TRIP4: variants seen among roughly 807,000 people sequenced by gnomAD.
TRIP4 encodes the protein thyroid hormone receptor interactor 4.
In TRIP4, 54 loss-of-function variants were observed where a neutral mutation model predicts 81.8. That is an observed-to-expected ratio of 0.66 (90% CI 0.53 to 0.83). The LOEUF is 0.83. Ranked by LOEUF, TRIP4 falls within the 40% of genes least tolerant of loss-of-function variation. TRIP4 has a pLI of 0.00. For synonymous variants in TRIP4, 270 were observed against 242.8 expected (o/e 1.11, Z -1.04); for missense variants, 662 against 683.6 (o/e 0.97, Z 0.35).
At chr15:64,435,076 C>T (rs1892360085) in intron 11 of TRIP4, among the ~76,000 whole-genome samples, 1 of 151,628 alleles carries the variant, frequency 6.6e-6, no homozygotes, top group Non-Finnish European at 1.5e-5. Context: ...ATTAGCTGGG[C>T]ATGGTGGCAT....
At chr15:64,431,847 A>ATATATATATATATATATATATATTTTTTT in intron 11 of TRIP4, among the ~76,000 whole-genome samples, 22 of 119,528 alleles carry the variant, frequency 1.8e-4, no homozygotes, top group African/African-American at 6.8e-4. Flanking sequence ...ATATATATAT[A>ATATATATATATATATATATATATTTTTTT]TTTTTTTTAT....
chr15:64,400,718 A>G, intron 4 of TRIP4, 25 bp from the exon 5 acceptor site: 2 of 1,584,412 alleles, frequency 1.3e-6, no homozygotes, highest in South Asian at 2.2e-5. Context: ...GTTGGATCAC[A>G]TGTCTTACTC....
At chr15:64,418,511 A>T in intron 8 of TRIP4, 30 bp from the exon 9 acceptor site, 1 of 1,583,418 alleles carries the variant, frequency 6.3e-7, no homozygotes, top group Non-Finnish European at 8.6e-7. Context: ...GCCTTATAAG[A>T]TAGAACTGTA....
chr15:64,403,958 G>A (rs1290656261), intron 5 of TRIP4, among the ~76,000 whole-genome samples: 10 of 152,112 alleles, frequency 6.6e-5, no homozygotes, highest in Admixed American at 3.9e-4. Flanking sequence ...TTGAGAGGCC[G>A]AGACGGGCGG....
chr15:64,405,262 G>C (rs972351786), intron 5 of TRIP4, among the ~76,000 whole-genome samples: 1 of 149,080 alleles, frequency 6.7e-6, no homozygotes, highest in Non-Finnish European at 1.5e-5. Context: ...TCATGCCATT[G>C]TCCTGCCTCA....
chr15:64,430,544 A>T (rs1319723592), intron 11 of TRIP4, among the ~76,000 whole-genome samples: 1 of 152,194 alleles, frequency 6.6e-6, no homozygotes, highest in Non-Finnish European at 1.5e-5. Flanking sequence ...CAAATCCATA[A>T]CCATTAGCAG....
At chr15:64,439,340 G>A (rs1368781461) in intron 11 of TRIP4, among the ~76,000 whole-genome samples, 1 of 151,766 alleles carries the variant, frequency 6.6e-6, no homozygotes, top group Non-Finnish European at 1.5e-5. Context: ...TATCACCTCA[G>A]TCTTCTTGGA....
At chr15:64,403,021 G>A (rs1452945909) in intron 5 of TRIP4, among the ~76,000 whole-genome samples, 10 of 151,342 alleles carry the variant, frequency 6.6e-5, no homozygotes, top group East Asian at 5.9e-4. Flanking sequence ...CACCATGCCC[G>A]GCTAATTTTT....
chr15:64,440,416 T>C (rs150407972), intron 11 of TRIP4, among the ~76,000 whole-genome samples: 206 of 151,158 alleles, frequency 1.4e-3, no homozygotes, highest in Admixed American at 4.1e-3. Context: ...GTATGTAATG[T>C]GGTCTTTAGT....
At chr15:64,427,848 A>C (rs146932495) in intron 11 of TRIP4, among the ~76,000 whole-genome samples, 2 of 152,286 alleles carry the variant, frequency 1.3e-5, no homozygotes, top group Admixed American at 1.3e-4. Context: ...ATCCAGACCT[A>C]GGCAAAACCA....
chr15:64,453,353 T>C (rs995894283), intron 12 of TRIP4, among the ~76,000 whole-genome samples: 2 of 152,256 alleles, frequency 1.3e-5, no homozygotes, highest in Non-Finnish European at 2.9e-5. Flanking sequence ...TATTTGTGGT[T>C]ACTTAGTACT....
intron 9 of TRIP4, 31 bp downstream of exon 9, chr15:64,418,759 A>G: frequency 6.5e-7 from 1 of 1,535,574 alleles, no homozygotes; most frequent in Non-Finnish European, 8.8e-7. Context: ...GGGCAGTGGA[A>G]GATCTTAGAG....
At chr15:64,408,330 C>CT (rs1333493288) in intron 6 of TRIP4, among the ~76,000 whole-genome samples, 1 of 134,508 alleles carries the variant, frequency 7.4e-6, no homozygotes, top group African/African-American at 2.8e-5. Flanking sequence ...GCCATCTCGG[C>CT]TTACTGCAAG....
intron 7 of TRIP4, 23 bp downstream of exon 7, chr15:64,409,851 G>A (rs1276179718): frequency 6.2e-7 from 1 of 1,601,392 alleles, no homozygotes; most frequent in Admixed American, 1.7e-5. Context: ...CACTAGAAAG[G>A]GTCTCAAAGA....
chr15:64,410,656 G>C (rs1290352233), intron 7 of TRIP4, among the ~76,000 whole-genome samples: 1 of 152,052 alleles, frequency 6.6e-6, no homozygotes, highest in Non-Finnish European at 1.5e-5. Context: ...AATTATAGGA[G>C]AATATAATTA....
chr15:64,430,351 T>A (rs778696151), intron 11 of TRIP4, among the ~76,000 whole-genome samples: 15 of 152,364 alleles, frequency 9.8e-5, no homozygotes, highest in Middle Eastern at 3.4e-3. Context: ...TTAAAGCTTC[T>A]CCTGTGATTC....
intron 11 of TRIP4, among the ~76,000 whole-genome samples, chr15:64,441,111 C>T (rs1892506781): frequency 6.6e-6 from 1 of 151,998 alleles, no homozygotes; most frequent in African/African-American, 2.4e-5. Context: ...ATTCTCCTGC[C>T]TCAGCCTCCG....
At chr15:64,388,040 G>A (rs1462222946) in intron 1 of TRIP4, 76 bp downstream of exon 1, 1 of 1,462,690 alleles carries the variant, frequency 6.8e-7, no homozygotes, top group East Asian at 2.5e-5. Context: ...AAGCGGGGAG[G>A]ACTGAAAAGT....
At chr15:64,416,767 C>T (rs1891898635) in intron 8 of TRIP4, among the ~76,000 whole-genome samples, 1 of 152,010 alleles carries the variant, frequency 6.6e-6, no homozygotes, top group Admixed American at 6.6e-5. Context: ...TTATGTCTCC[C>T]TAGTTAATGT....
Sources: allele counts gnomAD v4.1 joint callset (sites outside exome capture counted in the v4.1 genomes callset), GRCh38; gene constraint gnomAD v4.1.1; transcripts MANE v1.5; gene names NCBI Gene and HGNC (gene_info 2026-07-23, HGNC 2026-07-21).